Variants in ULK4 observed in about 807,000 individuals in gnomAD.
ULK4 encodes the protein inactive serine/threonine-protein kinase ULK4.
A neutral mutation model predicts 160.6 loss-of-function variants in ULK4; 133 were observed. That is an observed-to-expected ratio of 0.83 (90% CI 0.72 to 0.96). ULK4 has a LOEUF of 0.96. ULK4 is among the 40% of genes least tolerant of loss of function. The pLI, the probability that ULK4 is intolerant of heterozygous loss-of-function variation, is 0.00. For synonymous variants in ULK4, 534 were observed against 539.8 expected, an observed-to-expected ratio of 0.99 and a Z score of 0.15; for missense variants, 1,580 against 1,499.5, an observed-to-expected ratio of 1.05 and a Z score of -0.89.
chr3:41,777,690 C>G (rs1159300985), intron 21 of ULK4, among the ~76,000 whole-genome samples: 1 of 121,820 alleles, frequency 8.2e-6, no homozygotes, highest in African/African-American at 3.4e-5. Context: ...ACCCAGTAGT[C>G]ATTCAGGAGC....
chr3:41,824,138 G>A lies in ULK4; in HGVS notation c.1765-4632C>T, dbSNP rs566029356. 1.2e-3 allele frequency among the ~76,000 whole-genome samples: 169 copies of A among 145,884 alleles called. 1 individual carries two copies. The highest frequency in any genetic ancestry group is 4.1e-3 in the African/African-American group (159 of 38,890). ...AGATTATGTCACTGCATTCCAGCCT[G>A]GGTGAGAGAATGAGACTCTATCTTT... On this transcript the variant is annotated intron_variant, in intron 18 of 36. Transcript: ENST00000301831.
intron 34 of ULK4, among the ~76,000 whole-genome samples, chr3:41,411,176 G>A (rs1053236868): frequency 2.0e-5 from 3 of 152,094 alleles, no homozygotes; most frequent in Non-Finnish European, 4.4e-5. Flanking sequence ...AAGGTCCCTC[G>A]AACATCTGAA....
rs2038731257 is a variant in ULK4 at position 41,754,479 on chromosome 3, A to G, written c.2203T>C (p.Ser735Pro). Residue 735 changes from serine (S) to proline (P), a missense_variant, in exon 22 of 37, where the codon TCC becomes CCC. Ser to Pro is a moderately conservative substitution (Grantham distance 74, BLOSUM62 -1). Transcript: ENST00000301831. ...CTGTCAAGTAAACGGATAATTGTGG[A>G]GACAAAACCCTGTAGAAGACATTTA... Reference protein sequence around the residue: ...QRLIQEKGFVSTIIRLLDSPS... With the variant: ...QRLIQEKGFVPTIIRLLDSPS... The G allele has an allele frequency of 6.2e-7, 1 of 1,612,012 alleles. No homozygotes were observed. Among genetic ancestry groups the G allele is most frequent in the Non-Finnish European group, 8.5e-7 (1 of 1,179,378 alleles).
intron 30 of ULK4, among the ~76,000 whole-genome samples, chr3:41,630,111 T>A (rs1252931809): frequency 6.6e-6 from 1 of 152,222 alleles, no homozygotes; most frequent in Non-Finnish European, 1.5e-5. Flanking sequence ...TTTCTATTGC[T>A]GCCTAACAAA....
chr3:41,539,650 T>G (rs537472217), intron 32 of ULK4, among the ~76,000 whole-genome samples: 6 of 152,182 alleles, frequency 3.9e-5, no homozygotes, highest in African/African-American at 1.4e-4. Flanking sequence ...CTGACAATTA[T>G]AGCTTCATTG....
intron 35 of ULK4, among the ~76,000 whole-genome samples, chr3:41,335,951 T>G (rs1007074964): frequency 6.6e-6 from 1 of 152,170 alleles, no homozygotes; most frequent in Non-Finnish European, 1.5e-5. Flanking sequence ...CAGGAAAAAC[T>G]GTGCCACAGC....
In ULK4 at chr3:41,374,989, A is replaced by T. The variant is rs182038366; in HGVS notation, c.3678+23090T>A. Among the ~76,000 whole-genome samples, 167 of 151,170 alleles carry T rather than the reference A, an allele frequency of 1.1e-3. 1 individual carries two copies. Among genetic ancestry groups the T allele is most frequent in the Non-Finnish European group, 1.4e-3 (93 of 68,024 alleles). Reference sequence around the variant, plus strand: ...AAAATCAGAAGCATTCTTATACACCAGTAACAGACAGAGAGCCAAATCATG... The same window carrying T: ...AAAATCAGAAGCATTCTTATACACCTGTAACAGACAGAGAGCCAAATCATG... On this transcript the variant is annotated intron_variant, in intron 35 of 36. Transcript: ENST00000301831.
intron 29 of ULK4, among the ~76,000 whole-genome samples, chr3:41,674,045 A>C (rs2035623202): frequency 1.3e-5 from 2 of 152,218 alleles, no homozygotes; most frequent in Admixed American, 1.3e-4. Context: ...AAGAAAAAAG[A>C]GGCAGTGAGG....
intron 23 of ULK4, among the ~76,000 whole-genome samples, chr3:41,717,208 A>G (rs1371728424): frequency 1.3e-5 from 2 of 152,210 alleles, no homozygotes; most frequent in Non-Finnish European, 2.9e-5. Flanking sequence ...CCCTGGCTTG[A>G]TCACTATGCA....
intron 18 of ULK4, among the ~76,000 whole-genome samples, chr3:41,831,273 G>A (rs1246563860): frequency 1.3e-5 from 2 of 151,870 alleles, no homozygotes; most frequent in Non-Finnish European, 2.9e-5. Flanking sequence ...AGATCCTCCT[G>A]CCTTGGCCTC....
chr3:41,628,386 A>G (rs57419314), intron 30 of ULK4, among the ~76,000 whole-genome samples: 9,344 of 152,222 alleles, frequency 0.061, 424 homozygotes, highest in African/African-American at 0.12. Context: ...GTTTCACATC[A>G]CAGTCATAAG....
At chr3:41,850,496 T>C (rs1456461022) in intron 17 of ULK4, among the ~76,000 whole-genome samples, 4 of 151,892 alleles carry the variant, frequency 2.6e-5, no homozygotes, top group African/African-American at 7.3e-5. Flanking sequence ...TTTTTAATGA[T>C]TGCCATTCTA....
At chr3:41,406,321 G>C (rs528701373) in intron 34 of ULK4, among the ~76,000 whole-genome samples, 9 of 152,250 alleles carry the variant, frequency 5.9e-5, no homozygotes, top group African/African-American at 1.9e-4. Flanking sequence ...TGTTTCATTG[G>C]TCTATGTGTC....
intron 29 of ULK4, among the ~76,000 whole-genome samples, chr3:41,671,956 G>A (rs997012116): frequency 6.6e-6 from 1 of 152,044 alleles, no homozygotes; most frequent in Non-Finnish European, 1.5e-5. Context: ...CATACAAATG[G>A]CCAACGGGTA....
chr3:41,645,956 T>G (rs936523735), intron 30 of ULK4, among the ~76,000 whole-genome samples: 1 of 152,236 alleles, frequency 6.6e-6, no homozygotes, highest in Admixed American at 6.5e-5. Context: ...ATGGCCTTCC[T>G]GGTCTCTTTT....
chr3:41,539,236 T>C (rs2086616840), intron 32 of ULK4, among the ~76,000 whole-genome samples: 1 of 152,100 alleles, frequency 6.6e-6, no homozygotes, highest in Non-Finnish European at 1.5e-5. Flanking sequence ...ATTTCAACTA[T>C]TTAATATTGC....
chr3:41,958,828 TACAGACCTTATGGTTTCTGTC>T (rs777241936), intron 1 of ULK4, among the ~76,000 whole-genome samples: 2 of 152,210 alleles, frequency 1.3e-5, no homozygotes, highest in African/African-American at 2.4e-5. Flanking sequence ...TTTTAGATTT[TACAGACCTTATGGTTTCTGTC>T]ACAGCTACTC....
At chr3:41,888,514 C>G (rs927588035) in intron 16 of ULK4, among the ~76,000 whole-genome samples, 1 of 152,148 alleles carries the variant, frequency 6.6e-6, no homozygotes, top group Non-Finnish European at 1.5e-5. Context: ...AGACAGAAAG[C>G]AAGAATGAGC....
intron 25 of ULK4, among the ~76,000 whole-genome samples, chr3:41,708,494 A>G (rs1401212760): frequency 6.6e-6 from 1 of 152,322 alleles, no homozygotes; most frequent in Non-Finnish European, 1.5e-5. Context: ...GAAGTAGAGA[A>G]GAGATGGCAG....
Sources: gnomAD v4.1 joint callset for allele counts (sites outside exome capture counted in the v4.1 genomes callset) on GRCh38, gnomAD v4.1.1 for gene constraint, MANE v1.5 for transcripts, NCBI Gene and HGNC (gene_info 2026-07-23, HGNC 2026-07-21) for gene names.